The following RTN4 variants were observed in gnomAD, a reference collection of about 807,000 sequenced individuals.
RTN4 encodes reticulon 4, also known as reticulon-4.
RTN4 carries 32 observed loss-of-function variants against 90.4 expected under a neutral mutation model. The ratio of observed to expected loss-of-function variants is 0.35; its 90% confidence interval spans 0.27 to 0.48. The LOEUF is 0.48. Ranked by LOEUF, RTN4 falls within the 20% of genes least tolerant of loss-of-function variation. RTN4 has a pLI of 0.99. For synonymous variants in RTN4, 629 were observed against 552.5 expected (o/e 1.14, Z -1.94); for missense variants, 1,706 against 1,430.2 (o/e 1.19, Z -3.11).
chr2:54,984,069 C>T (rs955889989), intron 4 of RTN4, among the ~76,000 whole-genome samples: 16 of 152,294 alleles, frequency 1.1e-4, no homozygotes, highest in Admixed American at 5.9e-4. Context: ...ATATGGTTTT[C>T]CCAATCTGCA....
At chr2:55,005,927 G>T (rs1301251156) in intron 3 of RTN4, among the ~76,000 whole-genome samples, 1 of 152,098 alleles carries the variant, frequency 6.6e-6, no homozygotes, top group Non-Finnish European at 1.5e-5. Flanking sequence ...CGCTCAAAAT[G>T]TTTCAGACTT....
Position 55,025,818 on chromosome 2 carries a change from C to G in RTN4, c.2281G>C (p.Asp761His), listed in dbSNP as rs1167683085. Residue 761 changes from aspartate to histidine, a missense_variant, in exon 3 of 9, where the codon GAT (aspartate) becomes CAT (histidine). Asp to His is a moderately conservative substitution (Grantham distance 81, BLOSUM62 -1). Coordinates refer to ENST00000337526, the MANE Select transcript of RTN4 (RefSeq NM_020532.5). The stretch of plus-strand genomic sequence containing the variant: ...TCTTTCACAAGCATCACAGTTTCAT[C>G]TTGTTTTTGTGGAACGTCAGGTATT... ...DSIPDVPQKQDETVMLVKESL... is the reference protein window; with the variant it reads ...DSIPDVPQKQHETVMLVKESL... 1.2e-6 allele frequency: 2 copies of G among 1,613,568 alleles called. No homozygotes were observed. The highest frequency in any genetic ancestry group is 2.7e-5 in the African/African-American group (2 of 74,904).
chr2:55,132,427 T>C, the RTN4 span, among the ~76,000 whole-genome samples: 1 of 151,230 alleles, frequency 6.6e-6, no homozygotes, highest in African/African-American at 2.4e-5. Context: ...TGCTTGAACT[T>C]AAGAGGCAGA....
At chr2:55,123,251 T>C in the RTN4 span, among the ~76,000 whole-genome samples, 1 of 152,216 alleles carries the variant, frequency 6.6e-6, no homozygotes, top group African/African-American at 2.4e-5. Context: ...CCTCAGCAAG[T>C]TGCAAAAAAT....
chr2:55,128,982 C>T, the RTN4 span, among the ~76,000 whole-genome samples: 1 of 151,820 alleles, frequency 6.6e-6, no homozygotes, highest in Non-Finnish European at 1.5e-5. Context: ...ATGGCAGGCG[C>T]CTGTAATCCC....
chr2:55,064,335 A>G (rs1668353363), intron 2 of RTN4, among the ~76,000 whole-genome samples: 1 of 150,834 alleles, frequency 6.6e-6, no homozygotes, highest in Non-Finnish European at 1.5e-5. Flanking sequence ...ATTTAAAATG[A>G]TAACACAAAC....
intron 3 of RTN4, among the ~76,000 whole-genome samples, chr2:54,999,946 C>T (rs1309932304): frequency 1.3e-5 from 2 of 152,098 alleles, no homozygotes; most frequent in Non-Finnish European, 2.9e-5. Flanking sequence ...CCTATTTCTT[C>T]CTTCAGGTTA....
At chr2:55,077,189 A>C (rs1427810065) in intron 2 of RTN4, among the ~76,000 whole-genome samples, 1 of 151,448 alleles carries the variant, frequency 6.6e-6, no homozygotes, top group Non-Finnish European at 1.5e-5. Context: ...ATTTTTTTGT[A>C]TTTTTAATAG....
intron 1 of RTN4, among the ~76,000 whole-genome samples, chr2:55,092,948 A>G (rs1403270021): frequency 6.6e-6 from 1 of 152,170 alleles, no homozygotes; most frequent in East Asian, 1.9e-4. Context: ...TTTTTGTTTG[A>G]TTTTAAAAAT....
intron 1 of RTN4, among the ~76,000 whole-genome samples, chr2:55,085,515 A>G (rs1183858533): frequency 2.0e-5 from 3 of 152,316 alleles, no homozygotes; most frequent in Middle Eastern, 3.4e-3. Flanking sequence ...AAGACCCTCA[A>G]CTGATTGTGT....
At chr2:55,056,377 G>C (rs1668190976) in intron 2 of RTN4, 1 of 152,100 alleles carries the variant, frequency 6.6e-6, no homozygotes, top group South Asian at 2.1e-4. Context: ...GAGTATGAGG[G>C]TAAGGACGCT....
intron 3 of RTN4, among the ~76,000 whole-genome samples, chr2:55,004,188 T>A (rs1025461556): frequency 1.2e-4 from 18 of 152,182 alleles, no homozygotes; most frequent in African/African-American, 4.1e-4. Context: ...GACAGACAAC[T>A]GCCTGCCTTT....
At chr2:55,018,833 CA>C (rs1246215317) in intron 3 of RTN4, among the ~76,000 whole-genome samples, 7 of 152,152 alleles carry the variant, frequency 4.6e-5, no homozygotes, top group Admixed American at 3.3e-4. Flanking sequence ...AAGATCCCCA[CA>C]GTAGCAATGA....
chr2:54,993,498 T>C (rs1354165732), intron 3 of RTN4, among the ~76,000 whole-genome samples: 1 of 152,236 alleles, frequency 6.6e-6, no homozygotes, highest in East Asian at 1.9e-4. Flanking sequence ...AATAGTCATG[T>C]ATAAGGCCCA....
At chr2:54,981,819 A>ATGAATCAC (rs1678154225) in intron 5 of RTN4, among the ~76,000 whole-genome samples, 1 of 152,192 alleles carries the variant, frequency 6.6e-6, no homozygotes. Context: ...TCATGTACAT[A>ATGAATCAC]AGTGCTAGAC....
chr2:55,030,637 G>T (rs1305155490), intron 1 of RTN4, among the ~76,000 whole-genome samples: 1 of 152,164 alleles, frequency 6.6e-6, no homozygotes, highest in Non-Finnish European at 1.5e-5. Context: ...AAAGAAAAAA[G>T]AAGAAACAAC....
intron 3 of RTN4, among the ~76,000 whole-genome samples, chr2:54,990,250 G>T (rs1053332265): frequency 1.3e-5 from 2 of 152,172 alleles, no homozygotes; most frequent in Non-Finnish European, 2.9e-5. Context: ...ATAGTTGTAT[G>T]TATTTCAAAT....
At chr2:55,089,216 G>C (rs946361162) in intron 1 of RTN4, among the ~76,000 whole-genome samples, 4 of 152,086 alleles carry the variant, frequency 2.6e-5, no homozygotes, top group Admixed American at 2.6e-4. Flanking sequence ...GCTATCCTTA[G>C]GACTCTTTTA....
At chr2:55,094,045 T>C (rs922998432) in intron 1 of RTN4, among the ~76,000 whole-genome samples, 2 of 152,152 alleles carry the variant, frequency 1.3e-5, no homozygotes, top group Admixed American at 1.3e-4. Flanking sequence ...CATAATGGTG[T>C]TTGTTATGGA....
Sources: gnomAD v4.1 joint callset for allele counts (sites outside exome capture counted in the v4.1 genomes callset) on GRCh38, gnomAD v4.1.1 for gene constraint, MANE v1.5 for transcripts, NCBI Gene and HGNC (gene_info 2026-07-23, HGNC 2026-07-21) for gene names.